KCNN3: variants seen among roughly 807,000 people sequenced by gnomAD.
KCNN3 encodes the protein potassium calcium-activated channel subfamily N member 3.
A neutral mutation model predicts 62.9 loss-of-function variants in KCNN3; 16 were observed. The ratio of observed to expected loss-of-function variants is 0.25; its 90% confidence interval spans 0.17 to 0.39. The LOEUF (loss-of-function observed/expected upper bound fraction) is 0.39, where lower values mean the gene tolerates loss of function less well. KCNN3 is among the 10% of genes least tolerant of loss of function. The probability of loss-of-function intolerance (pLI) is 1.00; values close to 1 mark genes in which losing one functional copy is unlikely to be tolerated. For synonymous variants in KCNN3, 370 were observed against 389.2 expected (o/e 0.95, Z 0.58); for missense variants, 599 against 949.4 (o/e 0.63, Z 4.85).
intron 2 of KCNN3, among the ~76,000 whole-genome samples, chr1:154,798,917 T>C (rs993013557): frequency 1.1e-3 from 5 of 4,396 alleles, no homozygotes; most frequent in Non-Finnish European, 3.2e-3. Flanking sequence ...ACTTATTGCA[T>C]TTTTTTTTTT....
chr1:154,869,228 G>A lies in KCNN3; in HGVS notation c.737C>T (p.Ala246Val), dbSNP rs765994411. Residue 246 changes from alanine to valine, a missense_variant, in exon 1 of 8, where the codon GCC becomes GTC. Physicochemically the swap from Ala to Val is moderately conservative, Grantham distance 64. Around this residue, in one of 7 missense-constraint regions of KCNN3, gnomAD observed 80 missense variants for 85.4 expected, o/e 0.94. Coordinates refer to ENST00000271915, the MANE Select transcript of KCNN3 (RefSeq NM_002249.6). The surrounding 1 kb of genome is among the most constrained non-coding windows in gnomAD (Gnocchi z 6.1). Reference protein sequence around the residue: ...HPNATHNHQHAGTTASSTTFP... With the variant: ...HPNATHNHQHVGTTASSTTFP... Reference sequence around the variant, plus strand: ...GGTGGTGCTGCTGGCGGTGGTGCCGGCATGCTGGTGGTTGTGGGTGGCATT... The same window carrying A: ...GGTGGTGCTGCTGGCGGTGGTGCCGACATGCTGGTGGTTGTGGGTGGCATT... The A allele has an allele frequency of 6.2e-7, 1 of 1,614,098 alleles. No homozygotes were observed. The highest frequency in any genetic ancestry group is 1.1e-5 in the South Asian group (1 of 91,074).
chr1:154,867,737 C>T (rs1274616739), intron 1 of KCNN3, among the ~76,000 whole-genome samples: 1 of 147,106 alleles, frequency 6.8e-6, no homozygotes, highest in Non-Finnish European at 1.5e-5. Context: ...CACCAAGCCA[C>T]CCCCTGCCCC....
intron 2 of KCNN3, among the ~76,000 whole-genome samples, chr1:154,802,097 G>A (rs1649983633): frequency 6.6e-6 from 1 of 152,194 alleles, no homozygotes; most frequent in Admixed American, 6.5e-5. Context: ...TTCCTACCCT[G>A]TACCACTGCT....
At chr1:154,818,743 C>T (rs908438230) in intron 2 of KCNN3, among the ~76,000 whole-genome samples, 1 of 152,236 alleles carries the variant, frequency 6.6e-6, no homozygotes, top group African/African-American at 2.4e-5. Context: ...GTGAGAAATA[C>T]ATTTATGTTC....
At chr1:154,728,277 G>A (rs1319351623) in intron 4 of KCNN3, among the ~76,000 whole-genome samples, 1 of 152,240 alleles carries the variant, frequency 6.6e-6, no homozygotes, top group Non-Finnish European at 1.5e-5. Flanking sequence ...AGGCAGGACA[G>A]TGGACTAGAT....
At chr1:154,735,743 C>T (rs1700700117) in intron 3 of KCNN3, among the ~76,000 whole-genome samples, 2 of 152,208 alleles carry the variant, frequency 1.3e-5, no homozygotes, top group Non-Finnish European at 2.9e-5. Context: ...GCTAGGCCCT[C>T]AGGTCAATGC....
chr1:154,822,623 C>T (rs776047062), intron 1 of KCNN3, among the ~76,000 whole-genome samples: 1 of 152,214 alleles, frequency 6.6e-6, no homozygotes, highest in African/African-American at 2.4e-5. Flanking sequence ...TTCTCTTAAA[C>T]CCAAACCAGA....
chr1:154,750,042 C>T (rs73005490), intron 3 of KCNN3, among the ~76,000 whole-genome samples: 3,174 of 152,250 alleles, frequency 0.021, 108 homozygotes, highest in African/African-American at 0.072. Flanking sequence ...GGGGCTGGTC[C>T]GGCCCCAACT....
chr1:154,738,444 T>C (rs1700758386), intron 3 of KCNN3, among the ~76,000 whole-genome samples: 1 of 152,190 alleles, frequency 6.6e-6, no homozygotes, highest in Non-Finnish European at 1.5e-5. Context: ...CATTTTCAGA[T>C]ACGTAAGGTT....
chr1:154,763,219 G>T (rs1171572958), intron 3 of KCNN3, among the ~76,000 whole-genome samples: 1 of 151,948 alleles, frequency 6.6e-6, no homozygotes, highest in African/African-American at 2.4e-5. Context: ...TTATATTTTA[G>T]AAGTTGGTAT....
Position 154,869,977 on chromosome 1 carries a change from C to T in KCNN3, c.-13G>A, listed in dbSNP as rs372945325. On this transcript the variant is annotated 5_prime_UTR_variant, in exon 1 of 8. Coordinates refer to ENST00000271915, the MANE Select transcript of KCNN3 (RefSeq NM_002249.6). This position sits in a 1 kb window ranked among gnomAD's most constrained non-coding sequence, Gnocchi z 6.1. Reference sequence around the variant, plus strand: ...CAGAAGTGTCCATCTTGGGGCCTGGCTGTATTCCCTGCAGCACAAGCCCCC... The same window carrying T: ...CAGAAGTGTCCATCTTGGGGCCTGGTTGTATTCCCTGCAGCACAAGCCCCC... The T allele has an allele frequency of 1.2e-6, 2 of 1,609,388 alleles. No individual in the cohort carries two copies. Among genetic ancestry groups the T allele is most frequent in the African/African-American group, 2.7e-5 (2 of 74,786 alleles).
chr1:154,717,648 T>G (rs1479783468), intron 5 of KCNN3, among the ~76,000 whole-genome samples: 2 of 152,034 alleles, frequency 1.3e-5, no homozygotes. Flanking sequence ...TGTAAGATAC[T>G]GAAGTCACAG....
chr1:154,833,200 C>T (rs1651442682), intron 1 of KCNN3, among the ~76,000 whole-genome samples: 3 of 152,202 alleles, frequency 2.0e-5, no homozygotes, highest in South Asian at 4.1e-4. Context: ...CTACTACCCA[C>T]CTGATGCTCA....
chr1:154,734,940 T>C (rs1434900835), intron 3 of KCNN3, among the ~76,000 whole-genome samples: 4 of 152,078 alleles, frequency 2.6e-5, no homozygotes, highest in South Asian at 2.1e-4. Context: ...TTGGGAATAA[T>C]GAGGAAGCTT....
intron 5 of KCNN3, among the ~76,000 whole-genome samples, chr1:154,724,474 T>C (rs781141593): frequency 1.3e-5 from 2 of 152,246 alleles, no homozygotes; most frequent in African/African-American, 2.4e-5. Context: ...GTTTTAATTC[T>C]GTCTCGTCTC....
chr1:154,841,814 G>A (rs991615457), intron 1 of KCNN3, among the ~76,000 whole-genome samples: 2 of 152,328 alleles, frequency 1.3e-5, no homozygotes, highest in African/African-American at 4.8e-5. Flanking sequence ...TGGGGAGAGC[G>A]GGCTGAGTGT....
At chr1:154,852,768 A>C (rs10908443) in intron 1 of KCNN3, among the ~76,000 whole-genome samples, 104,416 of 152,030 alleles carry the variant, frequency 0.69, 38,220 homozygotes, top group East Asian at 0.99. Context: ...TCTTTTCACT[A>C]TTTTTAATAT....
chr1:154,824,044 C>A (rs11264268), intron 1 of KCNN3, among the ~76,000 whole-genome samples: 37,520 of 152,190 alleles, frequency 0.25, 4,776 homozygotes, highest in East Asian at 0.34. Flanking sequence ...TTCATTCACT[C>A]TTTCACAAAA....
chr1:154,836,310 A>G (rs950163405), intron 1 of KCNN3, among the ~76,000 whole-genome samples: 1 of 152,044 alleles, frequency 6.6e-6, no homozygotes, highest in African/African-American at 2.4e-5. Flanking sequence ...CCAGAGGAAC[A>G]CCCCACCTGA....
Sources: gnomAD v4.1 joint callset for allele counts (sites outside exome capture counted in the v4.1 genomes callset) on GRCh38, gnomAD v4.1.1 for gene constraint, gnomAD v4.1.1 regional missense constraint, Gnocchi (gnomAD v3.1) non-coding constraint, MANE v1.5 for transcripts, NCBI Gene and HGNC (gene_info 2026-07-23, HGNC 2026-07-21) for gene names.